The following ADAMTS2 variants were observed in gnomAD, a reference collection of about 807,000 sequenced individuals.
ADAMTS2 encodes A disintegrin and metalloproteinase with thrombospondin motifs 2.
Under a neutral mutation model 123.0 loss-of-function variants are expected in ADAMTS2, and 50 were observed. The observed-to-expected ratio is 0.41, with a 90% CI of 0.32 to 0.51. The LOEUF is 0.51. ADAMTS2 is among the 20% of genes least tolerant of loss of function. The probability of loss-of-function intolerance (pLI) is 0.35; values close to 1 mark genes in which losing one functional copy is unlikely to be tolerated. For missense variants in ADAMTS2, 1,494 were observed against 1,705.2 expected, an observed-to-expected ratio of 0.88 and a Z score of 2.18; for synonymous variants, 678 against 695.4, an observed-to-expected ratio of 0.98 and a Z score of 0.39.
chr5:179,206,231 A>G (rs1380188880), intron 4 of ADAMTS2, among the ~76,000 whole-genome samples: 1 of 152,182 alleles, frequency 6.6e-6, no homozygotes, highest in East Asian at 1.9e-4. Flanking sequence ...TCAAGAGGAA[A>G]GTGAGCATGA....
At chr5:179,291,392 C>T (rs1269880679) in intron 2 of ADAMTS2, among the ~76,000 whole-genome samples, 3 of 152,204 alleles carry the variant, frequency 2.0e-5, no homozygotes, top group African/African-American at 7.2e-5. Flanking sequence ...GGGCAGTCTT[C>T]CAGGGCTGGC....
intron 2 of ADAMTS2, among the ~76,000 whole-genome samples, chr5:179,284,592 G>A (rs13158232): frequency 0.097 from 14,698 of 152,036 alleles, 771 homozygotes; most frequent in East Asian, 0.14. Flanking sequence ...TCGCCATGTT[G>A]GCCAGGCTGG....
chr5:179,281,815 T>C (rs1352602848), intron 2 of ADAMTS2, among the ~76,000 whole-genome samples: 3 of 152,186 alleles, frequency 2.0e-5, no homozygotes, highest in Non-Finnish European at 2.9e-5. Context: ...CCAATACTCA[T>C]TATTCTTAGG....
Position 179,132,954 on chromosome 5 carries a change from G to A in ADAMTS2, c.2086-54C>T. 1.3e-6 allele frequency: 2 copies of A among 1,592,860 alleles called. No homozygotes were observed. Among genetic ancestry groups the A allele is most frequent in the East Asian group, 4.6e-5 (2 of 43,764 alleles). On this transcript the variant is annotated intron_variant, in intron 13 of 21. Transcript: ENST00000251582. The surrounding 1 kb of genome is among the most constrained non-coding windows in gnomAD (Gnocchi z 6.1). ...GAGACGTCCTGCTAGTAGAGTCAGG[G>A]TCATACTATGTTGCCCCCAGTCTCG...
In ADAMTS2 at chr5:179,242,705, G is replaced by T. The variant is rs1765695495; in HGVS notation, c.688+30206C>A. ...TCTAGTCCTTCCAGTTCAGCTTATG[G>T]GGAGTTCCACTCTGGGGGTGTGTGG... On this transcript the variant is annotated intron_variant, in intron 3 of 21. Coordinates refer to ENST00000251582, the MANE Select transcript of ADAMTS2 (RefSeq NM_014244.5). The surrounding 1 kb of genome is among the most constrained non-coding windows in gnomAD (Gnocchi z 4.2). Among the ~76,000 whole-genome samples, 1 of 152,098 alleles carries T rather than the reference G, an allele frequency of 6.6e-6. No individual in the cohort carries two copies. Among genetic ancestry groups the T allele is most frequent in the Admixed American group, 6.6e-5 (1 of 15,252 alleles).
At position 179,158,403 on chromosome 5, in the gene ADAMTS2, G is replaced by A. The variant is rs1266422653; in HGVS notation, c.1132+320C>T. On this transcript the variant is annotated intron_variant, in intron 6 of 21. Coordinates refer to ENST00000251582, the MANE Select transcript of ADAMTS2 (RefSeq NM_014244.5). This position sits in a 1 kb window ranked among gnomAD's most constrained non-coding sequence, Gnocchi z 5.0. ...ATGCTCTCTGTCTATAGAGTGAGTGGAGGTGACAGGCCTCCTTTCTTTCCA... is the reference window on the plus strand; with the variant it reads ...ATGCTCTCTGTCTATAGAGTGAGTGAAGGTGACAGGCCTCCTTTCTTTCCA... Among the ~76,000 whole-genome samples the A allele has an allele frequency of 1.3e-5, 2 of 152,160 alleles. No individual in the cohort carries two copies. Among genetic ancestry groups the A allele is most frequent in the South Asian group, 4.1e-4 (2 of 4,822 alleles).
At chr5:179,140,799 C>T (rs993087020) in intron 10 of ADAMTS2, among the ~76,000 whole-genome samples, 15 of 90,454 alleles carry the variant, frequency 1.7e-4, no homozygotes, top group African/African-American at 1.3e-4. Context: ...ACTGCATGCT[C>T]TTTTTTTTTT....
At chr5:179,254,578 C>A (rs1279186049) in intron 3 of ADAMTS2, among the ~76,000 whole-genome samples, 1 of 152,122 alleles carries the variant, frequency 6.6e-6, no homozygotes, top group Non-Finnish European at 1.5e-5. Context: ...TGTAGGAGGT[C>A]AGAAGAGGCC....
At chr5:179,125,300 C>T (rs959404896) in intron 18 of ADAMTS2, 120 bp from the exon 19 acceptor site, 2 of 848,492 alleles carry the variant, frequency 2.4e-6, no homozygotes, top group Non-Finnish European at 3.9e-6. Context: ...GCAGCCTGCA[C>T]CCCTCCCCGG....
chr5:179,166,795 T>A (rs1380408770), intron 5 of ADAMTS2, among the ~76,000 whole-genome samples: 1 of 152,168 alleles, frequency 6.6e-6, no homozygotes, highest in Non-Finnish European at 1.5e-5. Flanking sequence ...GGGTGGTTGC[T>A]GGGCCCGAGT....
At chr5:179,140,440 GC>G (rs1363285915) in intron 10 of ADAMTS2, among the ~76,000 whole-genome samples, 4 of 152,112 alleles carry the variant, frequency 2.6e-5, no homozygotes, top group South Asian at 2.1e-4. Flanking sequence ...AGCAAAAAAG[GC>G]AATTTAGAGG....
In ADAMTS2 at chr5:179,132,686, C is replaced by T. The variant is rs1302939671; in HGVS notation, c.2209+91G>A. 1 of 1,576,640 alleles carries T rather than the reference C, an allele frequency of 6.3e-7. No homozygotes were observed. The highest frequency in any genetic ancestry group is 8.7e-7 in the Non-Finnish European group (1 of 1,148,876). On this transcript the variant is annotated intron_variant, in intron 14 of 21. Coordinates refer to ENST00000251582, the MANE Select transcript of ADAMTS2 (RefSeq NM_014244.5). The surrounding 1 kb of genome is among the most constrained non-coding windows in gnomAD (Gnocchi z 6.1). ...TCCCCAGAACAGTCATAAGCCCGGA[C>T]AGCCCCAGGATGAGTCAGGCCCTCA...
In ADAMTS2 at chr5:179,136,042, G is replaced by C; in HGVS notation, c.1952C>G (p.Ala651Gly). ...GCAGTACAGGTGGCATCTCTCCTTG[G>C]CTGGAAGGGAAGCAGCTGGGGGTCT... Reference protein sequence around the residue: ...HHWLPHEHRDAKERCHLYCES... With the variant: ...HHWLPHEHRDGKERCHLYCES... Residue 651 changes from alanine to glycine, a missense_variant and splice_region_variant, in exon 13 of 22, where the codon GCC (alanine) becomes GGC (glycine). Ala to Gly is a moderately conservative substitution (Grantham distance 60, BLOSUM62 0). Coordinates refer to ENST00000251582, the MANE Select transcript of ADAMTS2 (RefSeq NM_014244.5). 6.2e-7 allele frequency: 1 copy of C among 1,613,282 alleles called. No homozygotes were observed. The highest frequency in any genetic ancestry group is 8.5e-7 in the Non-Finnish European group (1 of 1,180,004).
chr5:179,303,126 T>A lies in ADAMTS2; in HGVS notation c.535-30062A>T, dbSNP rs988004082. Among the ~76,000 whole-genome samples, 2 of 152,112 alleles carry A rather than the reference T, an allele frequency of 1.3e-5. No homozygotes were observed. The highest frequency in any genetic ancestry group is 4.8e-5 in the African/African-American group (2 of 41,412). ...CCCCTGGAGGGTGGAAGAGACCTGA[T>A]TCCCCTGTCAGTTGCTCTGGGCATG... On this transcript the variant is annotated intron_variant, in intron 2 of 21. Transcript: ENST00000251582. The surrounding 1 kb of genome is among the most constrained non-coding windows in gnomAD (Gnocchi z 4.7).
At chr5:179,310,237 G>A (rs1272690812) in intron 2 of ADAMTS2, among the ~76,000 whole-genome samples, 3 of 152,252 alleles carry the variant, frequency 2.0e-5, no homozygotes, top group African/African-American at 7.2e-5. Context: ...TCCCCCACCA[G>A]GCTGCAGCTC....
At position 179,180,394 on chromosome 5, in the gene ADAMTS2, GGCA is replaced by G. The variant is rs1242881871; in HGVS notation, c.975+675_975+677del. 6.6e-6 allele frequency among the ~76,000 whole-genome samples: 1 copy of G among 152,218 alleles called. No homozygotes were observed. The highest frequency in any genetic ancestry group is 2.4e-5 in the African/African-American group (1 of 41,446). On this transcript the variant is annotated intron_variant, in intron 5 of 21. Coordinates refer to ENST00000251582, the MANE Select transcript of ADAMTS2 (RefSeq NM_014244.5). The surrounding 1 kb of genome is among the most constrained non-coding windows in gnomAD (Gnocchi z 4.6). ...GAGGAGGCCACAGATTTAATACGGG[GGCA>G]GAAGTCCAAGGGAGGGTCGTGTTAA...
intron 10 of ADAMTS2, among the ~76,000 whole-genome samples, chr5:179,147,636 T>C (rs1763275052): frequency 1.3e-5 from 2 of 152,140 alleles, no homozygotes; most frequent in Admixed American, 1.3e-4. Flanking sequence ...GGCACAGCGG[T>C]GTGGCGAGTA....
chr5:179,211,430 G>C (rs1581193489), intron 3 of ADAMTS2, among the ~76,000 whole-genome samples: 1 of 152,210 alleles, frequency 6.6e-6, no homozygotes, highest in Non-Finnish European at 1.5e-5. Context: ...TACCCTGAAG[G>C]GAGGTGTCTG....
At position 179,225,835 on chromosome 5, in the gene ADAMTS2, C is replaced by T. The variant is rs894453887; in HGVS notation, c.689-18120G>A. ...CAAGCCCACGTGTGATCTGATTCTTCCAGGACATCAAGGAAGAACCCGAGA... is the reference window on the plus strand; with the variant it reads ...CAAGCCCACGTGTGATCTGATTCTTTCAGGACATCAAGGAAGAACCCGAGA... On this transcript the variant is annotated intron_variant, in intron 3 of 21. Coordinates refer to ENST00000251582, the MANE Select transcript of ADAMTS2 (RefSeq NM_014244.5). The surrounding 1 kb of genome is among the most constrained non-coding windows in gnomAD (Gnocchi z 4.5). Among the ~76,000 whole-genome samples the T allele has an allele frequency of 2.6e-5, 4 of 152,212 alleles. No homozygotes were observed. The highest frequency in any genetic ancestry group is 1.3e-4 in the Admixed American group (2 of 15,280).
Sources: gnomAD v4.1 joint callset for allele counts (sites outside exome capture counted in the v4.1 genomes callset) on GRCh38, gnomAD v4.1.1 for gene constraint, Gnocchi (gnomAD v3.1) non-coding constraint, MANE v1.5 for transcripts, NCBI Gene and HGNC (gene_info 2026-07-23, HGNC 2026-07-21) for gene names.